The following CFAP300 variants were observed in gnomAD, a reference collection of about 807,000 sequenced individuals.
CFAP300 encodes cilia- and flagella-associated protein 300.
In CFAP300, 32 loss-of-function variants were observed where a neutral mutation model predicts 33.0. The ratio of observed to expected loss-of-function variants is 0.97; its 90% CI spans 0.73 to 1.30. CFAP300 has a LOEUF of 1.30. CFAP300 is among the 50% of genes most tolerant of loss of function. The pLI, the probability that CFAP300 is intolerant of heterozygous loss-of-function variation, is 0.00. For synonymous variants in CFAP300, 102 were observed against 106.8 expected (o/e 0.95, Z 0.28); for missense variants, 356 against 318.1 (o/e 1.12, Z -0.90).
rs1942503218 is a variant in CFAP300 at position 102,083,278 on chromosome 11, T to C, written c.*79T>C. ...TAATACTAACTTATAGATAAACATATACTTTGCAAATTAATTCAAGAAAAA... is the reference window on the plus strand; with the variant it reads ...TAATACTAACTTATAGATAAACATACACTTTGCAAATTAATTCAAGAAAAA... On this transcript the variant is annotated 3_prime_UTR_variant, in exon 7 of 7. Transcript: ENST00000434758. 8.7e-6 allele frequency: 10 copies of C among 1,148,308 alleles called. No individual in the cohort carries two copies. Among genetic ancestry groups the C allele is most frequent in the Non-Finnish European group, 1.0e-5 (9 of 886,538 alleles). The allele number at this position is 1,148,308 out of a possible 1,614,324, so 71.1% of individuals were successfully genotyped here. A position where few individuals can be genotyped will look rare whatever the true frequency, so the allele number is the denominator to read the frequency against.
chr11:102,048,276 G>C (rs1271650861), intron 2 of CFAP300, among the ~76,000 whole-genome samples: 1 of 151,718 alleles, frequency 6.6e-6, no homozygotes, highest in Admixed American at 6.6e-5. Context: ...CTGTCACCCA[G>C]GCTGAATAAA....
chr11:102,057,629 A>C (rs993001845), intron 2 of CFAP300, among the ~76,000 whole-genome samples: 2 of 152,212 alleles, frequency 1.3e-5, no homozygotes, highest in Non-Finnish European at 2.9e-5. Context: ...AGTCCAAGTG[A>C]AACCTCCCAA....
chr11:102,081,306 C>G (rs1322442144), intron 6 of CFAP300, 25 bp downstream of exon 6: 2 of 1,582,944 alleles, frequency 1.3e-6, no homozygotes, highest in African/African-American at 1.3e-5. Flanking sequence ...ACTTTTGCAA[C>G]CAAAGAATTT....
chr11:102,081,543 A>G lies in CFAP300; in HGVS notation c.675+262A>G. 3 of 507,480 alleles carry G rather than the reference A, an allele frequency of 5.9e-6. No individual in the cohort carries two copies. In the Admixed American group the frequency reaches 1.1e-4, roughly 18 times the overall value. 31.4% of individuals were successfully genotyped at this position (507,480 alleles called of 1,614,324 possible). ...AGAGCTAAATCTGTGACTCAGATAG[A>G]GTAGAACACAGTTCTCTTAGTCTGT... On this transcript the variant is annotated intron_variant, in intron 6 of 6. Coordinates refer to ENST00000434758, the MANE Select transcript of CFAP300 (RefSeq NM_032930.3).
rs921147192 is a variant in CFAP300, at chr11:102,081,235, C to T, written c.629C>T (p.Thr210Ile). The T allele has an allele frequency of 9.9e-6, 16 of 1,609,978 alleles. No individual in the cohort carries two copies. Among genetic ancestry groups the T allele is most frequent in the Non-Finnish European group, 1.3e-5 (15 of 1,179,288 alleles). ...TTTAGTGTTCGAAAGAATCCTCAAA[C>T]CAAGAAAATACAGATTACCTCTTCT... ...DLVSVRKNPQTKKIQITSSVF... is the reference protein window; with the variant it reads ...DLVSVRKNPQIKKIQITSSVF... Residue 210 changes from threonine (T) to isoleucine (I), a missense_variant, in exon 6 of 7, where the codon ACC (threonine) becomes ATC (isoleucine). By Grantham distance (89) the Thr-to-Ile change is moderately conservative. Coordinates refer to ENST00000434758, the MANE Select transcript of CFAP300 (RefSeq NM_032930.3).
chr11:102,053,256 A>C (rs1941997861), intron 2 of CFAP300, among the ~76,000 whole-genome samples: 2 of 151,204 alleles, frequency 1.3e-5, no homozygotes, highest in African/African-American at 4.9e-5. Context: ...TAAAAAATAA[A>C]ATTTAAAAAA....
At chr11:102,081,889 TA>T (rs72280444) in intron 6 of CFAP300, among the ~76,000 whole-genome samples, 329 of 118,686 alleles carry the variant, frequency 2.8e-3, no homozygotes, top group African/African-American at 2.9e-3. Context: ...AGACTCCATC[TA>T]AAAAAAAAAA....
intron 3 of CFAP300, among the ~76,000 whole-genome samples, chr11:102,064,748 G>C (rs1305183917): frequency 1.3e-5 from 2 of 152,156 alleles, no homozygotes; most frequent in Non-Finnish European, 2.9e-5. Flanking sequence ...CACCACCACT[G>C]TTCTATCAGA....
Position 102,083,083 on chromosome 11 carries a change from A to G in CFAP300, c.688A>G (p.Met230Val). Residue 230 changes from methionine (M) to valine (V), a missense_variant, in exon 7 of 7, where the codon ATG (methionine) becomes GTG (valine). Coordinates refer to ENST00000434758, the MANE Select transcript of CFAP300 (RefSeq NM_032930.3). Reference protein sequence around the residue: ...FKVSAYDSAGMCYPSAKNHEQ... With the variant: ...FKVSAYDSAGVCYPSAKNHEQ... ...TTGTCTTTTTCAGGATTCTGCTGGT[A>G]TGTGCTATCCTTCAGCAAAGAATCA... is the stretch of plus-strand genomic sequence containing the variant. 1.4e-6 allele frequency: 2 copies of G among 1,461,194 alleles called. No individual in the cohort carries two copies. Among genetic ancestry groups the G allele is most frequent in the Admixed American group, 2.2e-5 (1 of 46,392 alleles). The allele number at this position is 1,461,194 out of a possible 1,614,324, so 90.5% of individuals were successfully genotyped here. A position where few individuals can be genotyped will look rare whatever the true frequency, so the allele number is the denominator to read the frequency against.
At chr11:102,070,377 T>C (rs529955695) in intron 4 of CFAP300, among the ~76,000 whole-genome samples, 3 of 152,356 alleles carry the variant, frequency 2.0e-5, no homozygotes, top group Non-Finnish European at 2.9e-5. Flanking sequence ...AGACTGTGAA[T>C]GAGCTTAATC....
rs192888894 is a variant in CFAP300 at position 102,071,750 on chromosome 11, T to C, written c.436-4123T>C. ...TAGTATTTTTGGCTGCTAGTTTTTT[T>C]CTTTGTTTTCTCTCTCAGCACTTTG... is the stretch of plus-strand genomic sequence containing the variant. On this transcript the variant is annotated intron_variant, in intron 4 of 6. Coordinates refer to ENST00000434758, the MANE Select transcript of CFAP300 (RefSeq NM_032930.3). Among the ~76,000 whole-genome samples the C allele has an allele frequency of 4.8e-3, 737 of 152,276 alleles. 9 individuals are homozygous for C. The highest frequency in any genetic ancestry group is 0.017 in the African/African-American group (693 of 41,568).
intron 2 of CFAP300, among the ~76,000 whole-genome samples, chr11:102,052,349 G>T (rs72970296): frequency 0.016 from 2,418 of 152,178 alleles, 30 homozygotes; most frequent in Non-Finnish European, 0.025. Context: ...GTTAATTCCA[G>T]TTTATGTATC....
At chr11:102,065,228 G>A (rs1327378661) in intron 3 of CFAP300, among the ~76,000 whole-genome samples, 2 of 151,912 alleles carry the variant, frequency 1.3e-5, no homozygotes, top group East Asian at 1.9e-4. Context: ...GATTACAGGA[G>A]CCTGCCACCA....
intron 2 of CFAP300, among the ~76,000 whole-genome samples, chr11:102,049,993 A>T (rs991609519): frequency 6.6e-6 from 1 of 152,086 alleles, no homozygotes; most frequent in South Asian, 2.1e-4. Flanking sequence ...GCTATTTTTT[A>T]AAAATTTTTT....
chr11:102,051,370 A>G (rs1177635177), intron 2 of CFAP300, among the ~76,000 whole-genome samples: 4 of 152,194 alleles, frequency 2.6e-5, no homozygotes, highest in Non-Finnish European at 5.9e-5. Context: ...CTTAATTTAC[A>G]GAGCTTTCCT....
intron 5 of CFAP300, among the ~76,000 whole-genome samples, chr11:102,079,014 T>C (rs527441329): frequency 1.3e-5 from 2 of 152,328 alleles, no homozygotes; most frequent in African/African-American, 4.8e-5. Context: ...CCGGCCGATA[T>C]ACTTGTGGTA....
chr11:102,052,522 T>G (rs1941987061), intron 2 of CFAP300, among the ~76,000 whole-genome samples: 3 of 152,218 alleles, frequency 2.0e-5, no homozygotes, highest in Admixed American at 1.3e-4. Flanking sequence ...TTGAAAAAAA[T>G]GTGTTTACCT....
At chr11:102,078,148 C>T (rs1942424925) in intron 5 of CFAP300, among the ~76,000 whole-genome samples, 2 of 152,150 alleles carry the variant, frequency 1.3e-5, no homozygotes, top group Non-Finnish European at 2.9e-5. Context: ...CTGCCTCAGC[C>T]TCCCAAAGTG....
At chr11:102,057,826 G>A (rs1335063526) in intron 2 of CFAP300, 1 of 152,410 alleles carries the variant, frequency 6.6e-6, no homozygotes, top group Middle Eastern at 3.4e-3. Flanking sequence ...CACAGCAATG[G>A]CCTAGGTTAG....
Sources: allele counts gnomAD v4.1 joint callset (sites outside exome capture counted in the v4.1 genomes callset), GRCh38; gene constraint gnomAD v4.1.1; transcripts MANE v1.5; gene names NCBI Gene and HGNC (gene_info 2026-07-23, HGNC 2026-07-21).